Variants in SF3B2 observed in about 807,000 individuals in gnomAD.
SF3B2 encodes the protein SAP 145.
In SF3B2, 22 loss-of-function variants were observed where a neutral mutation model predicts 116.3. That is an observed-to-expected ratio of 0.19 (90% CI 0.14 to 0.27). The LOEUF is 0.27. SF3B2 is among the 10% of genes least tolerant of loss of function. SF3B2 has a pLI of 1.00. For missense variants in SF3B2, 767 were observed against 1,151.4 expected (o/e 0.67, Z 4.83); for synonymous variants, 406 against 421.6 (o/e 0.96, Z 0.45).
Position 66,055,085 on chromosome 11 carries a change from A to G in SF3B2, c.268A>G (p.Ile90Val). The G allele has an allele frequency of 1.3e-6, 2 of 1,512,362 alleles. No individual in the cohort carries two copies. Among genetic ancestry groups the G allele is most frequent in the Non-Finnish European group, 1.8e-6 (2 of 1,129,356 alleles). 93.7% of individuals were successfully genotyped at this position (1,512,362 alleles called of 1,614,324 possible). A position where few individuals can be genotyped will look rare whatever the true frequency, so the allele number is the denominator to read the frequency against. The change falls in exon 4 of 22, where the codon ATT (isoleucine) becomes GTT (valine). Residue 90 changes from isoleucine (I) to valine (V), a missense_variant. Around this residue, in one of 4 missense-constraint regions of SF3B2, gnomAD observed 455 missense variants for 537.5 expected, o/e 0.85. Coordinates refer to ENST00000322535, the MANE Select transcript of SF3B2 (RefSeq NM_006842.3). ...CATATTTTCTCCACAGCTCCCTGGA[A>G]TTCCCATGCCACCACCACCTTTGGG... Reference protein sequence around the residue: ...PPPMSAQLPGIPMPPPPLGLP... With the variant: ...PPPMSAQLPGVPMPPPPLGLP...
At position 66,062,994 on chromosome 11, in the gene SF3B2, C is replaced by T. The variant is rs1857123161; in HGVS notation, c.1978-15C>T. On this transcript the variant is annotated splice_polypyrimidine_tract_variant and intron_variant, in intron 16 of 21. Coordinates refer to ENST00000322535, the MANE Select transcript of SF3B2 (RefSeq NM_006842.3). ...GCAGCTAAGGAGTGAACTGATTGTG[C>T]TCACTGTCTTGCAGAGCTGTTCCTT... 2 of 1,579,438 alleles carry T rather than the reference C, an allele frequency of 1.3e-6. No individual in the cohort carries two copies. The highest frequency in any genetic ancestry group is 1.3e-5 in the African/African-American group (1 of 74,102).
In SF3B2 at chr11:66,059,288, T is replaced by C; in HGVS notation, c.1270T>C (p.Phe424Leu). The C allele has an allele frequency of 6.2e-7, 1 of 1,612,728 alleles. No homozygotes were observed. Among genetic ancestry groups the C allele is most frequent in the Non-Finnish European group, 8.5e-7 (1 of 1,179,616 alleles). ...CTCTGCAGCCCCCAAGAAGAAGGGA[T>C]TTGAAGAGGAGCACAAGGACAGTGA... ...ENSAAPKKKG[F>L]EEEHKDSDDD... Residue 424 changes from phenylalanine to leucine, a missense_variant, in exon 11 of 22, where the codon TTT becomes CTT. By Grantham distance (22) the Phe-to-Leu change is conservative. This residue lies in a region of SF3B2 where 282 missense variants were observed against 568.0 expected (regional missense o/e 0.50). Transcript: ENST00000322535. The surrounding 1 kb of genome is among the most constrained non-coding windows in gnomAD (Gnocchi z 5.0).
chr11:66,058,444 A>G (rs773341979), intron 9 of SF3B2, 39 bp downstream of exon 9: 4 of 1,503,950 alleles, frequency 2.7e-6, no homozygotes, highest in Non-Finnish European at 3.7e-6. Flanking sequence ...AAGCCAGGAG[A>G]TGGGACTTGG....
chr11:66,068,152 T>C lies in SF3B2; in HGVS notation c.2435T>C (p.Met812Thr). 6.2e-7 allele frequency: 1 copy of C among 1,614,104 alleles called. No homozygotes were observed. Among genetic ancestry groups the C allele is most frequent in the Non-Finnish European group, 8.5e-7 (1 of 1,180,020 alleles). Residue 812 changes from methionine (M) to threonine (T), a missense_variant, in exon 21 of 22, where the codon ATG becomes ACG. Physicochemically the swap from Met to Thr is moderately conservative, Grantham distance 81 (BLOSUM62 -1). This residue lies in a region of SF3B2 where 282 missense variants were observed against 568.0 expected (regional missense o/e 0.50). Coordinates refer to ENST00000322535, the MANE Select transcript of SF3B2 (RefSeq NM_006842.3). Reference protein sequence around the residue: ...STHIYDMSTVMSRKGPAPELQ... With the variant: ...STHIYDMSTVTSRKGPAPELQ... ...AGGCCCTGATCTCCTTTCCAGGTTA[T>C]GAGCCGGAAGGGCCCGGCTCCTGAG...
intron 19 of SF3B2, chr11:66,064,656 G>C (rs911551829): frequency 4.0e-5 from 6 of 151,812 alleles, no homozygotes; most frequent in African/African-American, 1.5e-4. Context: ...TTTTTCCTCT[G>C]CCTGAAGGGC....
chr11:66,061,754 C>T lies in SF3B2; in HGVS notation c.1848C>T (p.Ser616=), dbSNP rs1225767843. ...ATCTGTCTGATGAGCTAAGGATTTC[C>T]TTGGGGATGCCAGTAGGACCAGTGA... ...PGDLSDELRI[S]LGMPVGPNAH... Residue 616 remains serine, a synonymous_variant, in exon 15 of 22, where the codon TCC becomes TCT. Coordinates refer to ENST00000322535, the MANE Select transcript of SF3B2 (RefSeq NM_006842.3). 1 of 1,614,164 alleles carries T rather than the reference C, an allele frequency of 6.2e-7. No individual in the cohort carries two copies. Among genetic ancestry groups the T allele is most frequent in the South Asian group, 1.1e-5 (1 of 91,084 alleles).
intron 3 of SF3B2, chr11:66,054,009 C>G (rs183949849): frequency 1.3e-5 from 2 of 151,162 alleles, no homozygotes; most frequent in East Asian, 3.9e-4. Flanking sequence ...CATGGCGAAA[C>G]TCTCTCTACT....
At chr11:66,053,232 G>A (rs1340330607) in intron 3 of SF3B2, 128 bp downstream of exon 3, 11 of 880,596 alleles carry the variant, frequency 1.2e-5, no homozygotes, top group Non-Finnish European at 2.1e-5. Flanking sequence ...CCTGACCTGA[G>A]TGGGGAAAAA....
At chr11:66,066,123 C>CCT (rs1337777061) in intron 19 of SF3B2, 2 of 152,404 alleles carry the variant, frequency 1.3e-5, no homozygotes, top group African/African-American at 4.8e-5. Context: ...GATCTGCCTG[C>CCT]CTCGGCCTCC....
chr11:66,055,421 G>T (rs2135038730), intron 4 of SF3B2, 106 bp downstream of exon 4: 1 of 1,595,662 alleles, frequency 6.3e-7, no homozygotes, highest in East Asian at 2.2e-5. Context: ...GGAAGGTCGG[G>T]ACTAAAGATT....
chr11:66,054,477 C>A (rs1384078749), intron 3 of SF3B2, among the ~76,000 whole-genome samples: 153 of 139,944 alleles, frequency 1.1e-3, no homozygotes, highest in East Asian at 1.2e-3. Context: ...ACTCTTGTCT[C>A]AAAAAAAAAA....
Position 66,059,521 on chromosome 11 carries a change from A to C in SF3B2, c.1327A>C (p.Lys443Gln). ...DDSSDDEQEK[K>Q]PEAPKLSKKK... ...GCTGATTGTTCTGTTCTAGGAAAAG[A>C]AGCCAGAAGCCCCCAAGCTGTCCAA... The change falls in exon 12 of 22, where the codon AAG (lysine) becomes CAG (glutamine). Residue 443 changes from lysine (K) to glutamine (Q), a missense_variant. By Grantham distance (53) the Lys-to-Gln change is moderately conservative (BLOSUM62 1). Transcript: ENST00000322535. This position sits in a 1 kb window ranked among gnomAD's most constrained non-coding sequence, Gnocchi z 5.0. 1 of 1,614,052 alleles carries C rather than the reference A, an allele frequency of 6.2e-7. No homozygotes were observed. The highest frequency in any genetic ancestry group is 8.5e-7 in the Non-Finnish European group (1 of 1,180,016).
chr11:66,055,056 T>C lies in SF3B2; in HGVS notation c.259-20T>C. ...AGTAGATAAATGCTTCCTAGTTTTA[T>C]GATCATATTTTCTCCACAGCTCCCT... On this transcript the variant is annotated intron_variant, in intron 3 of 21. Coordinates refer to ENST00000322535, the MANE Select transcript of SF3B2 (RefSeq NM_006842.3). 6.7e-7 allele frequency: 1 copy of C among 1,499,350 alleles called. No homozygotes were observed. Among genetic ancestry groups the C allele is most frequent in the Non-Finnish European group, 8.9e-7 (1 of 1,123,474 alleles). 92.9% of individuals were successfully genotyped at this position (1,499,350 alleles called of 1,614,324 possible).
intron 5 of SF3B2, 139 bp from the exon 6 acceptor site, chr11:66,056,699 G>T: frequency 1.6e-6 from 1 of 644,174 alleles, no homozygotes; most frequent in Non-Finnish European, 2.9e-6. Flanking sequence ...GGAAGTGTGG[G>T]GGTGGAGGGG....
At chr11:66,067,853 G>A (rs952978797) in intron 19 of SF3B2, 93 bp from the exon 20 acceptor site, 6 of 947,266 alleles carry the variant, frequency 6.3e-6, no homozygotes, top group South Asian at 1.5e-5. Context: ...TCTCCAAGGC[G>A]CTGAGTGGAG....
rs1857058547 is a variant in SF3B2, at chr11:66,059,201, C to T, written c.1183C>T (p.Leu395Phe). 4 of 1,613,926 alleles carry T rather than the reference C, an allele frequency of 2.5e-6. No homozygotes were observed. The highest frequency in any genetic ancestry group is 1.3e-5 in the African/African-American group (1 of 74,878). Residue 395 changes from leucine (L) to phenylalanine (F), a missense_variant and splice_region_variant, in exon 11 of 22, where the codon CTC (leucine) becomes TTC (phenylalanine). Physicochemically the swap from Leu to Phe is conservative, Grantham distance 22. This residue lies in a region of SF3B2 where 455 missense variants were observed against 537.5 expected (regional missense o/e 0.85). Transcript: ENST00000322535. The surrounding 1 kb of genome is among the most constrained non-coding windows in gnomAD (Gnocchi z 5.0). The stretch of plus-strand genomic sequence containing the variant: ...GGTTTCACCTTGTCTGCCTCCTTAG[C>T]TCACTGATGATGTGAAGAAGGAGAA... ...FFKRIFEAFK[L>F]TDDVKKEKEK...
In SF3B2 at chr11:66,069,172, G is replaced by C. The variant is rs1295737593; in HGVS notation, c.*427G>C. The C allele has an allele frequency of 8.5e-6, 3 of 352,648 alleles. No individual in the cohort carries two copies. Among genetic ancestry groups the C allele is most frequent in the Non-Finnish European group, 1.7e-5 (3 of 176,524 alleles). 21.8% of individuals were successfully genotyped at this position (352,648 alleles called of 1,614,324 possible). A position where few individuals can be genotyped will look rare whatever the true frequency, so the allele number is the denominator to read the frequency against. On this transcript the variant is annotated 3_prime_UTR_variant, in exon 22 of 22. Transcript: ENST00000322535. ...GGGGAGTAAAAATAGCCAGATTAGC[G>C]CCCTAGCGCGGCAGAGGAAGTAACA... is the stretch of plus-strand genomic sequence containing the variant.
Position 66,052,838 on chromosome 11 carries a change from C to A in SF3B2, c.180+119C>A, listed in dbSNP as rs547570671. 9.4e-4 allele frequency: 1,235 copies of A among 1,317,240 alleles called. 10 individuals carry two copies. Among genetic ancestry groups the A allele is most frequent in the Middle Eastern group, 6.5e-3 (34 of 5,248 alleles). The allele number at this position is 1,317,240 out of a possible 1,614,324, so 81.6% of individuals were successfully genotyped here. On this transcript the variant is annotated intron_variant, in intron 2 of 21. Transcript: ENST00000322535. Reference sequence around the variant, plus strand: ...TCGGCACAGCAAGGCGGAGGCTTGCCCTTTTTAGCTTGTTCTTGCCTTTGC... The same window carrying A: ...TCGGCACAGCAAGGCGGAGGCTTGCACTTTTTAGCTTGTTCTTGCCTTTGC...
chr11:66,055,801 T>C, intron 5 of SF3B2: 1 of 509,544 alleles, frequency 2.0e-6, no homozygotes. Flanking sequence ...TAAAAATAAC[T>C]TTAAAATTTT....
Sources: gnomAD v4.1 joint callset for allele counts (sites outside exome capture counted in the v4.1 genomes callset) on GRCh38, gnomAD v4.1.1 for gene constraint, gnomAD v4.1.1 regional missense constraint, Gnocchi (gnomAD v3.1) non-coding constraint, MANE v1.5 for transcripts, NCBI Gene and HGNC (gene_info 2026-07-23, HGNC 2026-07-21) for gene names.